SYNPO2: variants seen among roughly 807,000 people sequenced by gnomAD.
SYNPO2 encodes the protein synaptopodin-2.
In SYNPO2, 56 loss-of-function variants were observed where a neutral mutation model predicts 85.0. The observed-to-expected ratio is 0.66, with a 90% confidence interval of 0.53 to 0.82. The LOEUF (loss-of-function observed/expected upper bound fraction) is 0.82, where lower values mean the gene tolerates loss of function less well. Ranked by LOEUF, SYNPO2 falls within the 40% of genes least tolerant of loss-of-function variation. The pLI is 0.00. For missense variants in SYNPO2, 1,575 were observed against 1,534.2 expected (o/e 1.03, Z -0.44); for synonymous variants, 602 against 591.1 (o/e 1.02, Z -0.27).
chr4:119,004,190 A>C (rs1474829927), intron 1 of SYNPO2, among the ~76,000 whole-genome samples: 1 of 152,164 alleles, frequency 6.6e-6, no homozygotes. Context: ...ACTATTCCCA[A>C]GTCTGTCCAT....
At chr4:118,972,649 T>G (rs1439343202) in intron 1 of SYNPO2, among the ~76,000 whole-genome samples, 2 of 152,236 alleles carry the variant, frequency 1.3e-5, no homozygotes, top group African/African-American at 4.8e-5. Context: ...TCTCCATCAC[T>G]TCTAGCATTG....
intron 4 of SYNPO2, chr4:119,033,537 A>G (rs1168091789): frequency 5.5e-5 from 54 of 985,316 alleles, no homozygotes; most frequent in Non-Finnish European, 6.1e-5. Context: ...TAAAGCATTT[A>G]TGACAGCTCC....
chr4:118,923,440 G>T (rs1228157562), intron 1 of SYNPO2, among the ~76,000 whole-genome samples: 5 of 151,904 alleles, frequency 3.3e-5, no homozygotes, highest in Non-Finnish European at 7.4e-5. Context: ...TACCTACCAG[G>T]TACTGTGCTT....
At position 119,057,401 on chromosome 4, in the gene SYNPO2, G is replaced by A; in HGVS notation, c.3253G>A (p.Glu1085Lys). 1 of 1,572,144 alleles carries A rather than the reference G, an allele frequency of 6.4e-7. No individual in the cohort carries two copies. The change falls in exon 5 of 5, where the codon GAG becomes AAG. Residue 1085 changes from glutamate (E) to lysine (K), a missense_variant and splice_region_variant. Glu to Lys is a moderately conservative substitution (Grantham distance 56). This residue lies in a region of SYNPO2 where 1,508 missense variants were observed against 1,446.8 expected (regional missense o/e 1.04). Transcript: ENST00000307142. The part of the protein sequence containing the change: ...SAKKSGVTIQ[E>K]SGRSLSLPGR... ...ATATTAATATTTTCATTGTTTTTAG[G>A]AGAGTGGGCGCTCCCTTTCTCTTCC...
intron 1 of SYNPO2, among the ~76,000 whole-genome samples, chr4:118,952,577 T>C (rs1734737397): frequency 1.3e-5 from 2 of 152,178 alleles, no homozygotes; most frequent in Admixed American, 6.5e-5. Flanking sequence ...TCAAATTTCA[T>C]TCTAGTAAGA....
intron 1 of SYNPO2, among the ~76,000 whole-genome samples, chr4:119,000,763 G>A (rs1308313471): frequency 6.6e-6 from 1 of 152,168 alleles, no homozygotes. Context: ...TTAACAAGTT[G>A]AAATAACAAA....
At chr4:119,042,069 T>A (rs1738733002) in intron 4 of SYNPO2, 1 of 138,342 alleles carries the variant, frequency 7.2e-6, no homozygotes, top group Non-Finnish European at 1.6e-5. Flanking sequence ...GCTTCCACAG[T>A]CTTAGTGCCC....
intron 1 of SYNPO2, among the ~76,000 whole-genome samples, chr4:118,972,205 C>A (rs1196066344): frequency 1.3e-5 from 2 of 152,144 alleles, no homozygotes; most frequent in Non-Finnish European, 1.5e-5. Flanking sequence ...CTTTGGGAGA[C>A]AGAGGTGGGA....
intron 1 of SYNPO2, among the ~76,000 whole-genome samples, chr4:119,014,748 G>C (rs1737462764): frequency 6.6e-6 from 1 of 152,162 alleles, no homozygotes; most frequent in Admixed American, 6.5e-5. Context: ...TGAAATTCCA[G>C]TTAATTAAAG....
At chr4:118,881,694 G>T (rs755865673) in intron 1 of SYNPO2, among the ~76,000 whole-genome samples, 3 of 152,164 alleles carry the variant, frequency 2.0e-5, no homozygotes. Flanking sequence ...CCTAAGCCAC[G>T]TTCGGCCTCC....
At chr4:119,034,292 C>T (rs936834376) in intron 4 of SYNPO2, 3 of 984,858 alleles carry the variant, frequency 3.0e-6, no homozygotes, top group Non-Finnish European at 3.6e-6. Context: ...ATGGAACACA[C>T]AGGTAGTCGG....
intron 3 of SYNPO2, among the ~76,000 whole-genome samples, chr4:119,027,900 T>G (rs1428448620): frequency 6.9e-6 from 1 of 145,610 alleles, no homozygotes; most frequent in African/African-American, 2.5e-5. Context: ...TGAAAAAAAA[T>G]CATTGTGCAG....
intron 1 of SYNPO2, among the ~76,000 whole-genome samples, chr4:118,989,815 G>T (rs1435715805): frequency 6.6e-6 from 1 of 152,122 alleles, no homozygotes; most frequent in Non-Finnish European, 1.5e-5. Context: ...GTTCACGCAG[G>T]GACACAGACA....
upstream of SYNPO2, among the ~76,000 whole-genome samples, chr4:118,886,806 G>A (rs767143701): frequency 1.3e-5 from 2 of 148,312 alleles, no homozygotes; most frequent in African/African-American, 2.4e-5. Flanking sequence ...ATGAGTATCT[G>A]GCCCTCATGA....
At chr4:119,012,822 G>C (rs1310554544) in intron 1 of SYNPO2, among the ~76,000 whole-genome samples, 1 of 152,142 alleles carries the variant, frequency 6.6e-6, no homozygotes, top group Non-Finnish European at 1.5e-5. Flanking sequence ...TTGGTTCCAA[G>C]TCTTTACTAC....
intron 1 of SYNPO2, among the ~76,000 whole-genome samples, chr4:118,965,381 C>T (rs952794082): frequency 1.3e-5 from 2 of 152,148 alleles, no homozygotes; most frequent in Non-Finnish European, 2.9e-5. Flanking sequence ...CTACTCCTCA[C>T]ATCATCCCTC....
At chr4:118,969,586 G>A (rs1735459328) in intron 1 of SYNPO2, among the ~76,000 whole-genome samples, 1 of 152,158 alleles carries the variant, frequency 6.6e-6, no homozygotes, top group Non-Finnish European at 1.5e-5. Flanking sequence ...TATTCCAAGT[G>A]TAATACTATC....
chr4:118,949,595 A>G (rs1231403427), intron 1 of SYNPO2, among the ~76,000 whole-genome samples: 1 of 150,866 alleles, frequency 6.6e-6, no homozygotes, highest in Non-Finnish European at 1.5e-5. Context: ...AAAAAAAAAC[A>G]AAAATTAGCT....
chr4:118,995,784 T>C (rs1736562741), intron 1 of SYNPO2, among the ~76,000 whole-genome samples: 1 of 152,198 alleles, frequency 6.6e-6, no homozygotes, highest in African/African-American at 2.4e-5. Context: ...CCATGTTGTA[T>C]TTCTATTGGA....
Sources: allele counts gnomAD v4.1 joint callset (sites outside exome capture counted in the v4.1 genomes callset), GRCh38; gene constraint gnomAD v4.1.1; regional missense constraint gnomAD v4.1.1; transcripts MANE v1.5; gene names NCBI Gene and HGNC (gene_info 2026-07-23, HGNC 2026-07-21).